The following ZDHHC6 variants were observed in gnomAD, a reference collection of about 807,000 sequenced individuals.
ZDHHC6 encodes the protein zDHHC palmitoyltransferase 6, also known as palmitoyltransferase ZDHHC6.
ZDHHC6 carries 32 observed loss-of-function variants against 57.8 expected under a neutral mutation model. The observed-to-expected ratio is 0.55, with a 90% CI of 0.42 to 0.74. The LOEUF (loss-of-function observed/expected upper bound fraction) is 0.74, where lower values mean the gene tolerates loss of function less well. Ranked by LOEUF, ZDHHC6 falls within the 30% of genes least tolerant of loss-of-function variation. ZDHHC6 has a pLI of 0.00. For synonymous variants in ZDHHC6, 128 were observed against 158.0 expected, an observed-to-expected ratio of 0.81 and a Z score of 1.42; for missense variants, 433 against 500.7, an observed-to-expected ratio of 0.86 and a Z score of 1.29.
Position 112,442,452 on chromosome 10 carries a change from C to T in ZDHHC6, c.360-101G>A, listed in dbSNP as rs1846211903. ...CAAGCAAATAGGAATCCAGCATGTC[C>T]ATGAGCTACGAGAGAATTATACTTC... On this transcript the variant is annotated intron_variant, in intron 3 of 10. Transcript: ENST00000369405. The T allele has an allele frequency of 4.3e-6, 5 of 1,164,156 alleles. No individual in the cohort carries two copies. In the Admixed American group the frequency reaches 1.1e-4, roughly 27 times the overall value. The allele number at this position is 1,164,156 out of a possible 1,614,324, so 72.1% of individuals were successfully genotyped here.
chr10:112,443,505 A>G lies in ZDHHC6; in HGVS notation c.359+10T>C, dbSNP rs775311132. On this transcript the variant is annotated intron_variant, in intron 3 of 10. Coordinates refer to ENST00000369405, the MANE Select transcript of ZDHHC6 (RefSeq NM_022494.3). ...ATCAGTCCTCGCTGAACAGCAAGAA[A>G]GACAGGTACCTGTTACACTTTCTGC... is the stretch of plus-strand genomic sequence containing the variant. 2 of 1,612,534 alleles carry G rather than the reference A, an allele frequency of 1.2e-6. No individual in the cohort carries two copies. The highest frequency in any genetic ancestry group is 3.3e-5 in the Admixed American group (2 of 59,916).
intron 6 of ZDHHC6, among the ~76,000 whole-genome samples, chr10:112,437,946 G>A (rs755163245): frequency 6.6e-6 from 1 of 151,604 alleles, no homozygotes; most frequent in East Asian, 1.9e-4. Context: ...CAAGCAAAAT[G>A]TTAGGAGCTT....
At chr10:112,426,696 C>T (rs1168552616), downstream of ZDHHC6, 9 of 1,100,022 alleles carry the variant, frequency 8.2e-6, no homozygotes, top group Middle Eastern at 5.9e-4. Context: ...TTTCATACTG[C>T]ATGGCTTTGA....
downstream of ZDHHC6, chr10:112,426,680 T>C (rs1844733300): frequency 1.0e-5 from 10 of 974,886 alleles, no homozygotes; most frequent in Non-Finnish European, 1.5e-5. Flanking sequence ...AGTTTTATAT[T>C]CCTGCTTTCA....
In ZDHHC6 at chr10:112,438,611, C is replaced by T. The variant is rs115925290; in HGVS notation, c.682-222G>A. Among the ~76,000 whole-genome samples, 324 of 151,756 alleles carry T rather than the reference C, an allele frequency of 2.1e-3. 2 individuals are homozygous for T. Among genetic ancestry groups the T allele is most frequent in the African/African-American group, 7.4e-3 (308 of 41,358 alleles). On this transcript the variant is annotated intron_variant, in intron 5 of 10. Coordinates refer to ENST00000369405, the MANE Select transcript of ZDHHC6 (RefSeq NM_022494.3). ...TACCTCTCCGTAACAATGATTACAC[C>T]CATCCATAATCAAATCTGAATCTAG...
At chr10:112,427,784 AAG>A (rs1430336378), downstream of ZDHHC6, 1 of 153,404 alleles carries the variant, frequency 6.5e-6, no homozygotes, top group African/African-American at 2.4e-5. Flanking sequence ...TGTTCAAACT[AAG>A]AGATTTTTAA....
chr10:112,437,276 C>T (rs1167373857), intron 6 of ZDHHC6, among the ~76,000 whole-genome samples: 2 of 152,084 alleles, frequency 1.3e-5, no homozygotes, highest in East Asian at 3.8e-4. Context: ...AGGTGTTTAA[C>T]GTTTGCAAAA....
intron 7 of ZDHHC6, chr10:112,433,507 T>C (rs567275458): frequency 2.5e-6 from 1 of 398,988 alleles, no homozygotes; most frequent in South Asian, 5.3e-5. Context: ...CACTCTCTAA[T>C]GTCCTCATCT....
At chr10:112,428,803 C>T (rs1037131123), downstream of ZDHHC6, among the ~76,000 whole-genome samples, 2 of 151,764 alleles carry the variant, frequency 1.3e-5, no homozygotes, top group Non-Finnish European at 2.9e-5. Flanking sequence ...ACAAAAAAAC[C>T]ACTAATGCCT....
downstream of ZDHHC6, chr10:112,428,274 T>G: frequency 2.6e-6 from 1 of 389,300 alleles, no homozygotes; most frequent in South Asian, 1.4e-4. Context: ...CCAACTGATC[T>G]CCCCCACCCT....
intron 6 of ZDHHC6, 68 bp from the exon 7 acceptor site, chr10:112,434,532 A>G (rs991454055): frequency 3.6e-5 from 51 of 1,425,360 alleles, no homozygotes; most frequent in South Asian, 3.3e-4. Flanking sequence ...TATGTTATTG[A>G]GAACACTTAT....
intron 4 of ZDHHC6, among the ~76,000 whole-genome samples, 154 bp from the exon 5 acceptor site, chr10:112,440,849 A>ATTAT (rs954286376): frequency 6.6e-6 from 1 of 152,094 alleles, no homozygotes; most frequent in Non-Finnish European, 1.5e-5. Flanking sequence ...TTATTTATTT[A>ATTAT]TTATTTATTT....
At chr10:112,426,152 G>C, downstream of ZDHHC6, 1 of 856,028 alleles carries the variant, frequency 1.2e-6, no homozygotes, top group Non-Finnish European at 1.9e-6. Flanking sequence ...TTAAGGTTTT[G>C]GGGAAATAAC....
At chr10:112,425,892 A>G (rs1436467192), downstream of ZDHHC6, among the ~76,000 whole-genome samples, 2 of 152,208 alleles carry the variant, frequency 1.3e-5, no homozygotes, top group South Asian at 2.1e-4. Context: ...TATACATACT[A>G]TGCTTAAACG....
chr10:112,424,993 G>C (rs556113831), exon 12 of ZDHHC6: 1 of 169,732 alleles, frequency 5.9e-6, no homozygotes, highest in South Asian at 1.9e-4. Flanking sequence ...CTCTATTTCT[G>C]AGAGTTCTGA....
At chr10:112,428,133 A>T (rs918758776), downstream of ZDHHC6, 1 of 288,454 alleles carries the variant, frequency 3.5e-6, no homozygotes, top group Non-Finnish European at 6.4e-6. Flanking sequence ...TGGGGGAAGG[A>T]GTTGACAGGT....
At chr10:112,447,251 C>T (rs922728316), upstream of ZDHHC6, 8 of 1,028,828 alleles carry the variant, frequency 7.8e-6, no homozygotes, top group Admixed American at 7.0e-5. Flanking sequence ...GAGCTGTCCC[C>T]GGTTCTCCGT....
At chr10:112,439,628 T>TTAAAAAAAAAAAAAAAAAAAAAA in intron 5 of ZDHHC6, among the ~76,000 whole-genome samples, 1 of 31,298 alleles carries the variant, frequency 3.2e-5, no homozygotes, top group Non-Finnish European at 4.9e-5. Context: ...AGACTCCGTC[T>TTAAAAAAAAAAAAAAAAAAAAAA]AAAAAAAAAA....
rs748915545 is a variant in ZDHHC6 at position 112,438,335 on chromosome 10, C to T, written c.735+1G>A. 3 of 1,323,778 alleles carry T rather than the reference C, an allele frequency of 2.3e-6. No individual in the cohort carries two copies. The highest frequency in any genetic ancestry group is 1.6e-5 in the South Asian group (1 of 61,212). 82.0% of individuals were successfully genotyped at this position (1,323,778 alleles called of 1,614,324 possible). A position where few individuals can be genotyped will look rare whatever the true frequency, so the allele number is the denominator to read the frequency against. On this transcript the variant is annotated splice_donor_variant, in intron 6 of 10. Transcript: ENST00000369405. LOFTEE classifies it high-confidence loss of function. ...TTGAAGAAACAATTATTAAAATTTA[C>T]CTTCTCTTCAATCCATGACTCAATA...
Sources: gnomAD v4.1 joint callset for allele counts (sites outside exome capture counted in the v4.1 genomes callset) on GRCh38, gnomAD v4.1.1 for gene constraint, MANE v1.5 for transcripts, NCBI Gene and HGNC (gene_info 2026-07-23, HGNC 2026-07-21) for gene names.